PMM2: variants seen among roughly 807,000 people sequenced by gnomAD.
PMM2 encodes phosphomannomutase 2, also known as mannose-6-phosphate isomerase.
In PMM2, 35 loss-of-function variants were observed where a neutral mutation model predicts 33.2. The observed-to-expected ratio is 1.06, with a 90% CI of 0.81 to 1.40. The LOEUF is 1.40. Among genes scored for constraint, PMM2 ranks in the 40% most tolerant of loss-of-function variants. The pLI is 0.00. For missense variants in PMM2, 386 were observed against 306.0 expected (o/e 1.26, Z -1.95); for synonymous variants, 153 against 114.7 (o/e 1.33, Z -2.13).
chr16:8,804,576 G>A (rs2060635664), intron 2 of PMM2, among the ~76,000 whole-genome samples, 191 bp from the exon 3 acceptor site: 1 of 151,912 alleles, frequency 6.6e-6, no homozygotes, highest in African/African-American at 2.4e-5. Context: ...GTTTAAATGT[G>A]TAACCAAAAA....
chr16:8,835,759 C>T (rs974415372), intron 7 of PMM2, among the ~76,000 whole-genome samples: 14 of 151,818 alleles, frequency 9.2e-5, no homozygotes, highest in Non-Finnish European at 1.6e-4. Flanking sequence ...TAAAGCGTGC[C>T]ATGGGATGGG....
chr16:8,801,910 G>A lies in PMM2; in HGVS notation c.178G>A (p.Val60Met). The A allele has an allele frequency of 1.3e-6, 2 of 1,566,658 alleles. No homozygotes were observed. Among genetic ancestry groups the A allele is most frequent in the Non-Finnish European group, 1.8e-6 (2 of 1,138,130 alleles). The change falls in exon 2 of 8, where the codon GTG (valine) becomes ATG (methionine). Residue 60 changes from valine (V) to methionine (M), a missense_variant and splice_region_variant. Physicochemically the swap from Val to Met is conservative, Grantham distance 21. Transcript: ENST00000268261. ...EKVQEQLGND[V>M]VEKYDYVFPE... is the part of the protein sequence containing the mutation. ...AGTGCAGGAGCAACTGGGAAATGAT[G>A]GTAAATGATGGGTTGCTAATTACAT...
At chr16:8,842,792 A>G (rs896338253) in intron 7 of PMM2, among the ~76,000 whole-genome samples, 3 of 152,220 alleles carry the variant, frequency 2.0e-5, no homozygotes, top group African/African-American at 4.8e-5. Flanking sequence ...CAGGCCAGTG[A>G]TAACAGGCTT....
intron 1 of PMM2, among the ~76,000 whole-genome samples, chr16:8,798,694 A>T (rs1422481876): frequency 6.6e-6 from 1 of 152,152 alleles, no homozygotes; most frequent in Non-Finnish European, 1.5e-5. Flanking sequence ...TTGCTGCTAC[A>T]GGCACAGATA....
chr16:8,811,673 A>T lies in PMM2; in HGVS notation c.483A>T (p.Leu161=), dbSNP rs1433032795. The change falls in exon 6 of 8, where the codon CTA becomes CTT. Residue 161 remains leucine (L), a synonymous_variant. Transcript: ENST00000268261. ...TAAGACAAAAGTTTGTAGCAGATCTACGGAAAGAGTTTGCTGGAAAAGGCC... is the reference window on the plus strand; with the variant it reads ...TAAGACAAAAGTTTGTAGCAGATCTTCGGAAAGAGTTTGCTGGAAAAGGCC... ...ENIRQKFVAD[L]RKEFAGKGLT... is the part of the protein sequence containing the mutation. The T allele has an allele frequency of 3.7e-6, 6 of 1,613,382 alleles. No individual in the cohort carries two copies. Among genetic ancestry groups the T allele is most frequent in the Non-Finnish European group, 5.1e-6 (6 of 1,179,280 alleles).
At chr16:8,817,857 T>C (rs1266235134) in intron 7 of PMM2, among the ~76,000 whole-genome samples, 19 of 152,144 alleles carry the variant, frequency 1.2e-4, no homozygotes, top group African/African-American at 4.3e-4. Context: ...TTTCTTTCTC[T>C]TAACGTATTT....
At chr16:8,821,832 T>C (rs1015159730) in intron 7 of PMM2, among the ~76,000 whole-genome samples, 10 of 152,232 alleles carry the variant, frequency 6.6e-5, no homozygotes, top group Non-Finnish European at 1.3e-4. Flanking sequence ...ATCATGACCC[T>C]GGGCTTGGGC....
chr16:8,803,114 A>G (rs2060625492), intron 2 of PMM2, among the ~76,000 whole-genome samples: 1 of 152,142 alleles, frequency 6.6e-6, no homozygotes, highest in African/African-American at 2.4e-5. Context: ...GACATTGCCA[A>G]ATGACCTCTG....
intron 7 of PMM2, among the ~76,000 whole-genome samples, chr16:8,822,391 T>C (rs762460873): frequency 2.0e-5 from 3 of 152,218 alleles, no homozygotes; most frequent in Non-Finnish European, 4.4e-5. Context: ...TTGTAGCTAA[T>C]TTGTTAGTCC....
chr16:8,815,218 C>CTTTTTTTT (rs59339190), intron 7 of PMM2, among the ~76,000 whole-genome samples: 1 of 138,502 alleles, frequency 7.2e-6, no homozygotes, highest in African/African-American at 2.7e-5. Context: ...TATTTTCTTT[C>CTTTTTTTT]TTTTTTTTTT....
intron 2 of PMM2, among the ~76,000 whole-genome samples, chr16:8,803,668 A>G (rs1397168608): frequency 6.6e-6 from 1 of 152,086 alleles, no homozygotes; most frequent in Admixed American, 6.6e-5. Context: ...ATCACTGAAG[A>G]GCTTTTTTTA....
At chr16:8,838,852 C>G (rs556116654) in intron 7 of PMM2, among the ~76,000 whole-genome samples, 10 of 152,014 alleles carry the variant, frequency 6.6e-5, no homozygotes, top group Non-Finnish European at 5.9e-5. Flanking sequence ...TGTCATACAT[C>G]AGGCCAGATT....
chr16:8,832,558 G>A, intron 7 of PMM2: 1 of 985,428 alleles, frequency 1.0e-6, no homozygotes, highest in Non-Finnish European at 1.2e-6. Flanking sequence ...CAGGGGACTA[G>A]CATAAACCCT....
intron 7 of PMM2, among the ~76,000 whole-genome samples, chr16:8,836,937 G>A (rs535727105): frequency 3.9e-5 from 6 of 152,052 alleles, no homozygotes; most frequent in Non-Finnish European, 8.8e-5. Context: ...CTGGGCAGGT[G>A]GGGGAGGGCC....
rs1457596051 is a variant in PMM2 at position 8,835,456 on chromosome 16, A to C, written c.640-12268A>C. ...GATGGGTGTCAGGGTCATCTAACTG[A>C]AAGCAAAGAGACGCTGGGATGAAGG... On this transcript the variant is annotated intron_variant, in intron 7 of 7. Coordinates refer to ENST00000268261, the MANE Select transcript of PMM2 (RefSeq NM_000303.3). Among the ~76,000 whole-genome samples the C allele has an allele frequency of 2.0e-5, 3 of 152,128 alleles. No homozygotes were observed. The East Asian group carries it at 5.8e-4, about 29-fold the overall frequency.
At position 8,847,947 on chromosome 16, in the gene PMM2, T is replaced by C. The variant is rs1325839840; in HGVS notation, c.*122T>C. 1 of 718,934 alleles carries C rather than the reference T, an allele frequency of 1.4e-6. No individual in the cohort carries two copies. Among genetic ancestry groups the C allele is most frequent in the Non-Finnish European group, 2.5e-6 (1 of 406,026 alleles). 44.5% of individuals were successfully genotyped at this position (718,934 alleles called of 1,614,324 possible). On this transcript the variant is annotated 3_prime_UTR_variant, in exon 8 of 8. Coordinates refer to ENST00000268261, the MANE Select transcript of PMM2 (RefSeq NM_000303.3). Reference sequence around the variant, plus strand: ...CAGCCTAGGCAGGCTCTGCATGCTATGCCAGGCATGTGCAGTCTGGACTTC... The same window carrying C: ...CAGCCTAGGCAGGCTCTGCATGCTACGCCAGGCATGTGCAGTCTGGACTTC...
chr16:8,806,442 A>C (rs768929376), intron 4 of PMM2, 35 bp downstream of exon 4: 1 of 1,289,072 alleles, frequency 7.8e-7, no homozygotes. Flanking sequence ...CGTCACAGGA[A>C]CATAGCGTAG....
At chr16:8,810,468 T>C (rs1713389192) in intron 4 of PMM2, 1 of 153,770 alleles carries the variant, frequency 6.5e-6, no homozygotes, top group South Asian at 2.0e-4. Flanking sequence ...AAGTGAGCTA[T>C]GTATAATTTT....
chr16:8,814,021 C>T (rs1260765856), intron 7 of PMM2, among the ~76,000 whole-genome samples: 2 of 151,948 alleles, frequency 1.3e-5, no homozygotes, highest in East Asian at 3.9e-4. Flanking sequence ...CATGCACCAC[C>T]ACACCTGGCT....
Sources: allele counts gnomAD v4.1 joint callset (sites outside exome capture counted in the v4.1 genomes callset), GRCh38; gene constraint gnomAD v4.1.1; transcripts MANE v1.5; gene names NCBI Gene and HGNC (gene_info 2026-07-23, HGNC 2026-07-21).